DNAH2: variants seen among roughly 807,000 people sequenced by gnomAD.
DNAH2 encodes the protein dynein axonemal heavy chain 2, also known as axonemal beta dynein heavy chain 2.
In DNAH2, 323 loss-of-function variants were observed where a neutral mutation model predicts 523.5. That is an observed-to-expected ratio of 0.62 (90% CI 0.56 to 0.68). The LOEUF (loss-of-function observed/expected upper bound fraction) is 0.68, where lower values mean the gene tolerates loss of function less well. Ranked by LOEUF, DNAH2 falls within the 30% of genes least tolerant of loss-of-function variation. DNAH2 has a pLI of 0.00. For synonymous variants in DNAH2, 2,093 were observed against 2,177.4 expected, an observed-to-expected ratio of 0.96 and a Z score of 1.08; for missense variants, 4,907 against 5,701.5, an observed-to-expected ratio of 0.86 and a Z score of 4.49.
At chr17:7,744,528 G>A (rs924230552) in intron 12 of DNAH2, among the ~76,000 whole-genome samples, 2 of 152,100 alleles carry the variant, frequency 1.3e-5, no homozygotes, top group Admixed American at 1.3e-4. Context: ...GTGAGGCAGA[G>A]GCATCAGTGA....
At chr17:7,792,113 A>AC (rs1180624804) in intron 45 of DNAH2, 44 bp downstream of exon 45, 22 of 1,607,018 alleles carry the variant, frequency 1.4e-5, no homozygotes, top group Non-Finnish European at 1.9e-5. Context: ...GTTTTTCCAG[A>AC]CCCCCTGGGC....
Position 7,758,607 on chromosome 17 carries a change from G to T in DNAH2, c.2164G>T (p.Ala722Ser). Residue 722 changes from alanine to serine, a missense_variant, in exon 14 of 86, where the codon GCC becomes TCC. Around this residue, in one of 3 missense-constraint regions of DNAH2, gnomAD observed 2,806 missense variants for 3,190.8 expected, o/e 0.88. Coordinates refer to ENST00000572933, the MANE Select transcript of DNAH2 (RefSeq NM_020877.5). ...GAAACTGCACTGGGCCTTGAAGGGG[G>T]CCAGTGCCTTCTTCATCACGGAGTG... ...LKKLHWALKG[A>S]SAFFITECRI... 1 of 1,614,168 alleles carries T rather than the reference G, an allele frequency of 6.2e-7. No homozygotes were observed. The highest frequency in any genetic ancestry group is 8.5e-7 in the Non-Finnish European group (1 of 1,180,030).
intron 15 of DNAH2, 50 bp downstream of exon 15, chr17:7,759,174 C>T: frequency 6.2e-7 from 1 of 1,606,354 alleles, no homozygotes; most frequent in African/African-American, 1.3e-5. Context: ...CACAGTCCCC[C>T]AGTTCCATCA....
At chr17:7,783,945 C>G (rs1272663638) in intron 39 of DNAH2, among the ~76,000 whole-genome samples, 3 of 151,890 alleles carry the variant, frequency 2.0e-5, no homozygotes, top group Non-Finnish European at 2.9e-5. Context: ...TACAAGAGAC[C>G]CATCTAAAGC....
In DNAH2 at chr17:7,719,719, A is replaced by G. The variant is rs369882792; in HGVS notation, c.-14-2A>G. ...AGACTCTCCACTCCTGTATACCTGT[A>G]GGTTTTGCCTGCACGATGTCCAGCA... On this transcript the variant is annotated splice_acceptor_variant, in intron 1 of 85. Coordinates refer to ENST00000572933, the MANE Select transcript of DNAH2 (RefSeq NM_020877.5). LOFTEE classifies it low-confidence loss of function (5UTR_SPLICE). The G allele has an allele frequency of 6.8e-6, 11 of 1,614,058 alleles. No homozygotes were observed. Among genetic ancestry groups the G allele is most frequent in the Non-Finnish European group, 9.3e-6 (11 of 1,180,046 alleles).
At chr17:7,748,151 G>A (rs2151171128) in intron 12 of DNAH2, among the ~76,000 whole-genome samples, 1 of 152,284 alleles carries the variant, frequency 6.6e-6, no homozygotes. Context: ...GTCCAAATTG[G>A]CTTTTATCAC....
intron 12 of DNAH2, 68 bp downstream of exon 12, chr17:7,743,210 C>T: frequency 7.1e-7 from 1 of 1,406,376 alleles, no homozygotes. Context: ...ATTTCACTCC[C>T]ATCTTTTGAC....
chr17:7,764,059 G>T lies in DNAH2; in HGVS notation c.3179+28G>T, dbSNP rs377024128. The T allele has an allele frequency of 1.6e-5, 26 of 1,614,040 alleles. No individual in the cohort carries two copies. In the African/African-American group the frequency reaches 2.5e-4, roughly 16 times the overall value. ...GCGGGCTGGGGCGCCCCACAGGAAG[G>T]GGGCAGGGGCAGGCACTGGGCCTTC... On this transcript the variant is annotated intron_variant, in intron 19 of 85. Coordinates refer to ENST00000572933, the MANE Select transcript of DNAH2 (RefSeq NM_020877.5).
intron 56 of DNAH2, among the ~76,000 whole-genome samples, chr17:7,799,854 T>A (rs2077174393): frequency 6.6e-6 from 1 of 152,144 alleles, no homozygotes; most frequent in Non-Finnish European, 1.5e-5. Context: ...AAATGTATCA[T>A]CTTAATCGTT....
In DNAH2 at chr17:7,743,075, C is replaced by T. The variant is rs373159496; in HGVS notation, c.1837C>T (p.Arg613Trp). Residue 613 changes from arginine to tryptophan, a missense_variant, in exon 12 of 86, where the codon CGG becomes TGG. By Grantham distance (101) the Arg-to-Trp change is moderately radical. Transcript: ENST00000572933. ...TSSLDKDCIR[R>W]LDTPLLRISQ... ...AAGTCTGGACAAGGATTGCATTCGG[C>T]GGTTGGATACCCCATTGCTGCGAAT... 1.0e-5 allele frequency: 16 copies of T among 1,540,892 alleles called. No homozygotes were observed. Among genetic ancestry groups the T allele is most frequent in the African/African-American group, 8.3e-5 (6 of 72,036 alleles).
chr17:7,770,121 T>C, intron 24 of DNAH2, 131 bp from the exon 25 acceptor site: 2 of 1,267,576 alleles, frequency 1.6e-6, no homozygotes, highest in Non-Finnish European at 2.1e-6. Context: ...AGATTGCATC[T>C]TCGAGCCTGT....
At chr17:7,734,850 C>A in intron 7 of DNAH2, 142 bp downstream of exon 7, 1 of 775,522 alleles carries the variant, frequency 1.3e-6, no homozygotes, top group Non-Finnish European at 2.1e-6. Context: ...CTTGTACTTG[C>A]AGGAGAGTAT....
chr17:7,807,069 C>T lies in DNAH2; in HGVS notation c.9443-81C>T, dbSNP rs138905119. On this transcript the variant is annotated intron_variant, in intron 61 of 85. Transcript: ENST00000572933. This position sits in a 1 kb window ranked among gnomAD's most constrained non-coding sequence, Gnocchi z 5.6. ...TGAGCCCAGGAAAAATGTGGCTATG[C>T]GTGAGTAGTGGAGGTGAAACTGCTG... 41 of 1,513,626 alleles carry T rather than the reference C, an allele frequency of 2.7e-5. No homozygotes were observed. Among genetic ancestry groups the T allele is most frequent in the Non-Finnish European group, 2.9e-5 (33 of 1,124,348 alleles). The allele number at this position is 1,513,626 out of a possible 1,614,324, so 93.8% of individuals were successfully genotyped here. A position where few individuals can be genotyped will look rare whatever the true frequency, so the allele number is the denominator to read the frequency against.
At chr17:7,795,533 G>C (rs2077036894) in intron 49 of DNAH2, among the ~76,000 whole-genome samples, 1 of 151,676 alleles carries the variant, frequency 6.6e-6, no homozygotes, top group South Asian at 2.1e-4. Context: ...AATTAGCCGG[G>C]TGTGGTGGTG....
intron 12 of DNAH2, among the ~76,000 whole-genome samples, chr17:7,751,920 G>GGGGTGTGTGT (rs111751776): frequency 0.023 from 3,387 of 145,928 alleles, 138 homozygotes; most frequent in Admixed American, 0.1. Context: ...ATAGTTGTGG[G>GGGGTGTGTGT]GTGTGTGTGT....
intron 13 of DNAH2, among the ~76,000 whole-genome samples, 199 bp downstream of exon 13, chr17:7,757,436 G>C (rs930896102): frequency 6.6e-6 from 1 of 151,974 alleles, no homozygotes; most frequent in Non-Finnish European, 1.5e-5. Context: ...CTAGCTGCAG[G>C]GTGGAGAGTA....
rs1269153411 is a variant in DNAH2 at position 7,760,963 on chromosome 17, C to G, written c.2978+31C>G. The G allele has an allele frequency of 6.2e-7, 1 of 1,610,210 alleles. No homozygotes were observed. The highest frequency in any genetic ancestry group is 8.5e-7 in the Non-Finnish European group (1 of 1,177,634). On this transcript the variant is annotated intron_variant, in intron 18 of 85. Coordinates refer to ENST00000572933, the MANE Select transcript of DNAH2 (RefSeq NM_020877.5). This position sits in a 1 kb window ranked among gnomAD's most constrained non-coding sequence, Gnocchi z 4.0. ...TGGTGAGGGTGGATTGAAAGTCTGT[C>G]TGTAGGAGGCACAGCACTGCAGGAG...
In DNAH2 at chr17:7,770,659, T is replaced by A; in HGVS notation, c.4181+20T>A. Reference sequence around the variant, plus strand: ...GCTCAGGTCAGGGGAGCTGGGGCTCTAGGAGAATGGAGGGCTGTGTGACCC... The same window carrying A: ...GCTCAGGTCAGGGGAGCTGGGGCTCAAGGAGAATGGAGGGCTGTGTGACCC... On this transcript the variant is annotated intron_variant, in intron 26 of 85. Coordinates refer to ENST00000572933, the MANE Select transcript of DNAH2 (RefSeq NM_020877.5). 1 of 1,614,054 alleles carries A rather than the reference T, an allele frequency of 6.2e-7. No individual in the cohort carries two copies. The highest frequency in any genetic ancestry group is 1.6e-4 in the Middle Eastern group (1 of 6,062).
Position 7,788,244 on chromosome 17 carries a change from G to A in DNAH2, c.6900G>A (p.Gly2300=). Residue 2300 remains glycine (G), a splice_region_variant and synonymous_variant, in exon 44 of 86, where the codon GGG becomes GGA. Coordinates refer to ENST00000572933, the MANE Select transcript of DNAH2 (RefSeq NM_020877.5). ...CTGCCCTGGCCACGCCAGAGAATGG[G>A]GTAAGGGGAGGACACAGACCACGGG... is the stretch of plus-strand genomic sequence containing the variant. ...LYSALATPEN[G]VNPADGENYV... 6.3e-7 allele frequency: 1 copy of A among 1,578,672 alleles called. No homozygotes were observed. Among genetic ancestry groups the A allele is most frequent in the Non-Finnish European group, 8.6e-7 (1 of 1,161,836 alleles).
Sources: gnomAD v4.1 joint callset for allele counts (sites outside exome capture counted in the v4.1 genomes callset) on GRCh38, gnomAD v4.1.1 for gene constraint, gnomAD v4.1.1 regional missense constraint, Gnocchi (gnomAD v3.1) non-coding constraint, MANE v1.5 for transcripts, NCBI Gene and HGNC (gene_info 2026-07-23, HGNC 2026-07-21) for gene names.